Variants in NKAIN2 observed in about 807,000 individuals in gnomAD.
NKAIN2 encodes the protein sodium/potassium transporting ATPase interacting 2.
A neutral mutation model predicts 32.6 loss-of-function variants in NKAIN2; 14 were observed. That is an observed-to-expected ratio of 0.43 (90% CI 0.28 to 0.67). The LOEUF is 0.67. NKAIN2 is among the 30% of genes least tolerant of loss of function. The pLI, the probability that NKAIN2 is intolerant of heterozygous loss-of-function variation, is 0.17. For missense variants in NKAIN2, 198 were observed against 258.3 expected, an observed-to-expected ratio of 0.77 and a Z score of 1.60; for synonymous variants, 80 against 87.2, an observed-to-expected ratio of 0.92 and a Z score of 0.46.
At chr6:124,126,815 T>A (rs1212082100) in intron 1 of NKAIN2, among the ~76,000 whole-genome samples, 3 of 152,008 alleles carry the variant, frequency 2.0e-5, no homozygotes, top group South Asian at 2.1e-4. Context: ...ATTAGCTGGG[T>A]GTGGTAGCAT....
intron 1 of NKAIN2, among the ~76,000 whole-genome samples, chr6:123,860,395 G>A (rs150886426): frequency 6.0e-4 from 91 of 152,212 alleles, no homozygotes; most frequent in African/African-American, 1.5e-3. Flanking sequence ...TGTTCCTAGC[G>A]TTTAAAGTAA....
intron 1 of NKAIN2, among the ~76,000 whole-genome samples, chr6:124,268,386 A>C (rs1178885095): frequency 6.6e-6 from 1 of 152,078 alleles, no homozygotes; most frequent in East Asian, 1.9e-4. Flanking sequence ...TTAGCATTCT[A>C]TTTTTTTCTC....
chr6:124,162,579 G>C (rs1788335178), intron 1 of NKAIN2, among the ~76,000 whole-genome samples: 1 of 152,104 alleles, frequency 6.6e-6, no homozygotes, highest in African/African-American at 2.4e-5. Flanking sequence ...TATAGTTCCA[G>C]AATGTTTATG....
chr6:123,805,254 A>T (rs1015944478), intron 1 of NKAIN2, among the ~76,000 whole-genome samples: 1 of 152,364 alleles, frequency 6.6e-6, no homozygotes, highest in South Asian at 2.1e-4. Context: ...CAACTGTTTC[A>T]TAAAGGTTGA....
chr6:124,594,243 T>C (rs1782007296), intron 3 of NKAIN2, among the ~76,000 whole-genome samples: 2 of 152,216 alleles, frequency 1.3e-5, no homozygotes, highest in Admixed American at 6.5e-5. Flanking sequence ...TTAAATTTAT[T>C]CAAATGTAAC....
intron 1 of NKAIN2, among the ~76,000 whole-genome samples, chr6:124,048,903 A>G (rs1782267617): frequency 6.6e-6 from 1 of 152,060 alleles, no homozygotes. Context: ...TAAAGGCTGG[A>G]ACATTTAATA....
chr6:124,399,225 C>G (rs200692719), intron 3 of NKAIN2, among the ~76,000 whole-genome samples: 2 of 152,142 alleles, frequency 1.3e-5, no homozygotes, highest in African/African-American at 4.8e-5. Context: ...CCAGGCTTGG[C>G]CTTTATTTTT....
At chr6:124,305,535 A>G (rs1306447117) in intron 2 of NKAIN2, among the ~76,000 whole-genome samples, 4 of 152,184 alleles carry the variant, frequency 2.6e-5, no homozygotes, top group Admixed American at 2.6e-4. Context: ...TGACAAGGAA[A>G]TAAATAAAAT....
chr6:124,182,824 T>C (rs1157145383), intron 1 of NKAIN2, among the ~76,000 whole-genome samples: 1 of 152,108 alleles, frequency 6.6e-6, no homozygotes, highest in Non-Finnish European at 1.5e-5. Context: ...ATTGGGAAAA[T>C]GTAGCTCAGA....
rs77930297 is a variant in NKAIN2, at chr6:124,479,635, C to T, written c.273+124288C>T. Among the ~76,000 whole-genome samples the T allele has an allele frequency of 7.7e-3, 1,175 of 152,222 alleles. 14 individuals carry two copies. Among genetic ancestry groups the T allele is most frequent in the African/African-American group, 0.027 (1,114 of 41,544 alleles). On this transcript the variant is annotated intron_variant, in intron 3 of 6. Coordinates refer to ENST00000368417, the MANE Select transcript of NKAIN2 (RefSeq NM_001040214.3). ...TCATTTGTTGGCTCCAATCAATATA[C>T]AGTTAGAAATTAGAAAAGAAAATCT...
At chr6:124,471,888 C>G (rs1161864549) in intron 3 of NKAIN2, among the ~76,000 whole-genome samples, 1 of 152,014 alleles carries the variant, frequency 6.6e-6, no homozygotes, top group Non-Finnish European at 1.5e-5. Context: ...ACTTTATTTA[C>G]ATTTTTGAGA....
At chr6:124,153,229 A>G (rs998936060) in intron 1 of NKAIN2, among the ~76,000 whole-genome samples, 2 of 151,906 alleles carry the variant, frequency 1.3e-5, no homozygotes, top group South Asian at 2.1e-4. Context: ...TACAAATTCT[A>G]TCTATGTATC....
At chr6:124,036,597 A>G (rs564508637) in intron 1 of NKAIN2, among the ~76,000 whole-genome samples, 4 of 152,262 alleles carry the variant, frequency 2.6e-5, no homozygotes, top group Non-Finnish European at 4.4e-5. Flanking sequence ...CAAAGAGTTC[A>G]TCAGCTAATC....
intron 2 of NKAIN2, among the ~76,000 whole-genome samples, chr6:124,309,314 A>G (rs1392702364): frequency 1.3e-5 from 2 of 152,116 alleles, no homozygotes; most frequent in African/African-American, 4.8e-5. Flanking sequence ...TTCAGTCACA[A>G]CATGCTATTT....
intron 1 of NKAIN2, among the ~76,000 whole-genome samples, chr6:124,244,411 G>T (rs2626107): frequency 0.44 from 66,345 of 151,486 alleles, 16,916 homozygotes; most frequent in African/African-American, 0.71. Flanking sequence ...CCCTACAAAG[G>T]ACATGAACTC....
At chr6:124,818,004 T>A (rs539770783) in intron 5 of NKAIN2, among the ~76,000 whole-genome samples, 2,476 of 152,294 alleles carry the variant, frequency 0.016, no homozygotes, top group African/African-American at 0.054. Flanking sequence ...TATTTATATT[T>A]ATATGCTGTA....
chr6:123,830,053 A>C lies in NKAIN2; in HGVS notation c.54+25799A>C, dbSNP rs1774312941. Among the ~76,000 whole-genome samples, 4 of 152,238 alleles carry C rather than the reference A, an allele frequency of 2.6e-5. No individual in the cohort carries two copies. The South Asian group carries it at 8.3e-4, about 32-fold the overall frequency. ...CAACCTTAAATGTTAGGGAAATGGG[A>C]CTCAAAAGCCAAGGAATCATTCCTG... is the stretch of plus-strand genomic sequence containing the variant. On this transcript the variant is annotated intron_variant, in intron 1 of 6. Coordinates refer to ENST00000368417, the MANE Select transcript of NKAIN2 (RefSeq NM_001040214.3).
intron 3 of NKAIN2, among the ~76,000 whole-genome samples, chr6:124,529,300 A>G (rs1779434036): frequency 6.6e-6 from 1 of 152,146 alleles, no homozygotes; most frequent in Non-Finnish European, 1.5e-5. Context: ...GCCCACCCTG[A>G]TGTAGGCTGG....
At chr6:124,120,306 T>G (rs1785818659) in intron 1 of NKAIN2, among the ~76,000 whole-genome samples, 1 of 152,206 alleles carries the variant, frequency 6.6e-6, no homozygotes, top group Admixed American at 6.5e-5. Context: ...CTTGTAATTT[T>G]AAAATAAACA....
Sources: allele counts gnomAD v4.1 joint callset (sites outside exome capture counted in the v4.1 genomes callset), GRCh38; gene constraint gnomAD v4.1.1; transcripts MANE v1.5; gene names NCBI Gene and HGNC (gene_info 2026-07-23, HGNC 2026-07-21).